The following NCOA7 variants were observed in gnomAD, a reference collection of about 807,000 sequenced individuals.
NCOA7 encodes nuclear receptor coactivator 7, also known as 140 kDa estrogen receptor-associated protein.
Under a neutral mutation model 104.3 loss-of-function variants are expected in NCOA7, and 45 were observed. The ratio of observed to expected loss-of-function variants is 0.43; its 90% CI spans 0.34 to 0.55. The LOEUF (loss-of-function observed/expected upper bound fraction) is 0.55. Among genes scored for constraint, NCOA7 ranks in the 20% least tolerant of loss-of-function variants. The pLI is 0.02. For missense variants in NCOA7, 1,041 were observed against 1,119.7 expected, an observed-to-expected ratio of 0.93 and a Z score of 1.00; for synonymous variants, 398 against 402.3, an observed-to-expected ratio of 0.99 and a Z score of 0.13.
In NCOA7 at chr6:125,892,688, TAAAC is replaced by T. The variant is rs1358026838; in HGVS notation, c.2096+1886_2096+1889del. Among the ~76,000 whole-genome samples, 7 of 151,992 alleles carry T rather than the reference TAAAC, an allele frequency of 4.6e-5. No individual in the cohort carries two copies. The South Asian group carries it at 6.2e-4, about 13-fold the overall frequency. ...GACTTTGTCACAAAAAACAAACAAA[TAAAC>T]AAACAAAAAAAGCAGGTCACTTGTG... is the stretch of plus-strand genomic sequence containing the variant. On this transcript the variant is annotated intron_variant, in intron 10 of 15. Coordinates refer to ENST00000392477, the MANE Select transcript of NCOA7 (RefSeq NM_181782.5).
chr6:125,805,087 C>CTTTT lies in NCOA7; in HGVS notation c.-64-10179_-64-10176dup, dbSNP rs59737297. ...ATAAAGCTGGGTTCACCCTCTTGTT[C>CTTTT]TTTTTTTTTTTTTTTTTTTTTTTTT... On this transcript the variant is annotated intron_variant, in intron 1 of 15. Coordinates refer to ENST00000392477, the MANE Select transcript of NCOA7 (RefSeq NM_181782.5). 4.4e-3 allele frequency among the ~76,000 whole-genome samples: 255 copies of CTTTT among 58,034 alleles called. 30 individuals carry two copies. Among genetic ancestry groups the CTTTT allele is most frequent in the African/African-American group, 0.012 (190 of 16,244 alleles). 38.1% of individuals were successfully genotyped at this position (58,034 alleles called of 152,430 possible). A position where few individuals can be genotyped will look rare whatever the true frequency, so the allele number is the denominator to read the frequency against.
chr6:125,840,683 A>T (rs1368737386), intron 2 of NCOA7, among the ~76,000 whole-genome samples: 2 of 145,732 alleles, frequency 1.4e-5, no homozygotes, highest in Admixed American at 6.8e-5. Context: ...CTGGCTAAAT[A>T]AAAAAAAAAG....
chr6:125,781,972 C>G (rs1419448425), intron 1 of NCOA7, among the ~76,000 whole-genome samples: 2 of 152,154 alleles, frequency 1.3e-5, no homozygotes, highest in Non-Finnish European at 2.9e-5. Context: ...ATTTAGAGCT[C>G]CAGCAATTTG....
intron 2 of NCOA7, among the ~76,000 whole-genome samples, chr6:125,823,176 C>G (rs1778352620): frequency 6.6e-6 from 1 of 152,110 alleles, no homozygotes. Flanking sequence ...AGTCAATCCC[C>G]CCGCAAATGG....
intron 10 of NCOA7, among the ~76,000 whole-genome samples, chr6:125,900,961 A>G (rs1785448164): frequency 6.6e-6 from 1 of 152,208 alleles, no homozygotes; most frequent in South Asian, 2.1e-4. Context: ...TTTTAAAGGC[A>G]GTCGTTTTCT....
Position 125,929,050 on chromosome 6 carries a change from A to G in NCOA7, c.*279A>G, listed in dbSNP as rs1788294618. On this transcript the variant is annotated 3_prime_UTR_variant, in exon 16 of 16. Coordinates refer to ENST00000392477, the MANE Select transcript of NCOA7 (RefSeq NM_181782.5). ...CAGTGAGGAATCAGAGTGTTTATAG[A>G]TATATGAGTTGAATGCAATTTTTAT... is the stretch of plus-strand genomic sequence containing the variant. The G allele has an allele frequency of 3.7e-6, 1 of 270,826 alleles. No homozygotes were observed. The highest frequency in any genetic ancestry group is 6.9e-6 in the Non-Finnish European group (1 of 145,886). The allele number at this position is 270,826 out of a possible 1,614,324, so 16.8% of individuals were successfully genotyped here. A position where few individuals can be genotyped will look rare whatever the true frequency, so the allele number is the denominator to read the frequency against.
intron 3 of NCOA7, among the ~76,000 whole-genome samples, chr6:125,866,427 A>C (rs1442843242): frequency 6.6e-6 from 1 of 152,186 alleles, no homozygotes; most frequent in Non-Finnish European, 1.5e-5. Flanking sequence ...TTTTCTCCAA[A>C]TCTTAGCCAT....
In NCOA7 at chr6:125,826,130, A is replaced by T. The variant is rs189276396; in HGVS notation, c.50+10726A>T. 3.1e-3 allele frequency among the ~76,000 whole-genome samples: 470 copies of T among 152,226 alleles called. 3 individuals are homozygous for T. The highest frequency in any genetic ancestry group is 0.011 in the African/African-American group (450 of 41,542). On this transcript the variant is annotated intron_variant, in intron 2 of 15. Transcript: ENST00000392477. The stretch of plus-strand genomic sequence containing the variant: ...TGCCTGACCTCAGGAGTTCGAGACC[A>T]GCTGGGCAACACAGTGAAACCCCAT...
intron 2 of NCOA7, among the ~76,000 whole-genome samples, chr6:125,835,978 T>C (rs577595585): frequency 3.7e-4 from 57 of 152,332 alleles, no homozygotes; most frequent in Admixed American, 1.2e-3. Flanking sequence ...ATTGAATGGA[T>C]GATTTGACAA....
At chr6:125,825,868 A>C (rs987173563) in intron 2 of NCOA7, among the ~76,000 whole-genome samples, 2 of 150,742 alleles carry the variant, frequency 1.3e-5, no homozygotes, top group African/African-American at 4.9e-5. Flanking sequence ...CGATATTCTT[A>C]TTTTATAAGG....
At chr6:125,886,888 G>C (rs1408061672) in intron 8 of NCOA7, among the ~76,000 whole-genome samples, 1 of 152,260 alleles carries the variant, frequency 6.6e-6, no homozygotes, top group Non-Finnish European at 1.5e-5. Flanking sequence ...TTGTGTGAGA[G>C]TGTGTGTATG....
chr6:125,903,448 T>G (rs1462822431), intron 10 of NCOA7, among the ~76,000 whole-genome samples: 1 of 152,150 alleles, frequency 6.6e-6, no homozygotes, highest in Non-Finnish European at 1.5e-5. Context: ...CAAGCACAGA[T>G]TTGTCCATGT....
intron 3 of NCOA7, among the ~76,000 whole-genome samples, chr6:125,860,241 ATT>A (rs1781924391): frequency 6.6e-6 from 1 of 152,240 alleles, no homozygotes; most frequent in Non-Finnish European, 1.5e-5. Flanking sequence ...ATTAAGTTAA[ATT>A]TGATACAAGC....
At chr6:125,913,148 G>T (rs558402210) in intron 10 of NCOA7, among the ~76,000 whole-genome samples, 17 of 152,156 alleles carry the variant, frequency 1.1e-4, no homozygotes, top group Non-Finnish European at 2.2e-4. Context: ...CAGAGAAACA[G>T]AACCAAAATG....
At chr6:125,925,865 A>T (rs1466643350) in intron 13 of NCOA7, among the ~76,000 whole-genome samples, 1 of 152,196 alleles carries the variant, frequency 6.6e-6, no homozygotes, top group Non-Finnish European at 1.5e-5. Flanking sequence ...TATTATATAA[A>T]AGTTGTTTTA....
intron 3 of NCOA7, among the ~76,000 whole-genome samples, chr6:125,873,490 G>A (rs1347827475): frequency 6.6e-6 from 1 of 151,892 alleles, no homozygotes; most frequent in Non-Finnish European, 1.5e-5. Context: ...GTATATTTCT[G>A]GCTTGTTATT....
At chr6:125,920,169 G>C (rs529860156) in intron 11 of NCOA7, among the ~76,000 whole-genome samples, 2 of 152,292 alleles carry the variant, frequency 1.3e-5, no homozygotes, top group South Asian at 4.1e-4. Flanking sequence ...GGTTTAGAAG[G>C]GGAGACTATT....
chr6:125,808,381 C>A (rs1246116113), intron 1 of NCOA7, among the ~76,000 whole-genome samples: 1 of 152,212 alleles, frequency 6.6e-6, no homozygotes, highest in Admixed American at 6.5e-5. Context: ...AGAGCACTCA[C>A]CACATCTCAT....
chr6:125,830,637 G>C (rs1054131013), intron 2 of NCOA7, among the ~76,000 whole-genome samples: 14 of 152,058 alleles, frequency 9.2e-5, no homozygotes, highest in African/African-American at 3.1e-4. Context: ...AGCCTGAGAA[G>C]TCAAGGCTGC....
Sources: gnomAD v4.1 joint callset for allele counts (sites outside exome capture counted in the v4.1 genomes callset) on GRCh38, gnomAD v4.1.1 for gene constraint, MANE v1.5 for transcripts, NCBI Gene and HGNC (gene_info 2026-07-23, HGNC 2026-07-21) for gene names.